ZNF462: variants seen among roughly 807,000 people sequenced by gnomAD.
ZNF462 encodes the protein zinc finger protein 462.
A neutral mutation model predicts 201.9 loss-of-function variants in ZNF462; 10 were observed. That is an observed-to-expected ratio of 0.05 (90% CI 0.03 to 0.08). ZNF462 has a LOEUF of 0.08. Among genes scored for constraint, ZNF462 ranks in the 10% least tolerant of loss-of-function variants. The probability of loss-of-function intolerance (pLI) is 1.00; values close to 1 mark genes in which losing one functional copy is unlikely to be tolerated. For missense variants in ZNF462, 2,523 were observed against 3,168.3 expected, an observed-to-expected ratio of 0.80 and a Z score of 4.89; for synonymous variants, 1,227 against 1,193.3, an observed-to-expected ratio of 1.03 and a Z score of -0.58.
chr9:107,010,857 G>A lies in ZNF462; in HGVS notation c.7348G>A (p.Glu2450Lys). The change falls in exon 13 of 13, where the codon GAA becomes AAA. Residue 2450 changes from glutamate (E) to lysine (K), a missense_variant. Physicochemically the swap from Glu to Lys is moderately conservative, Grantham distance 56 (BLOSUM62 1). This residue lies in a region of ZNF462 where 228 missense variants were observed against 361.2 expected (regional missense o/e 0.63). Transcript: ENST00000277225. This position sits in a 1 kb window ranked among gnomAD's most constrained non-coding sequence, Gnocchi z 4.6. Reference protein sequence around the residue: ...LNDTKQVSREEIHPKEIMENS... With the variant: ...LNDTKQVSREKIHPKEIMENS... ...TGACACCAAGCAGGTGAGCAGAGAA[G>A]AAATCCACCCAAAAGAGATCATGGA... is the stretch of plus-strand genomic sequence containing the variant. The A allele has an allele frequency of 6.2e-7, 1 of 1,613,266 alleles. No homozygotes were observed. Among genetic ancestry groups the A allele is most frequent in the East Asian group, 2.2e-5 (1 of 44,672 alleles).
chr9:106,961,110 A>G (rs1475596787), intron 7 of ZNF462, among the ~76,000 whole-genome samples: 1 of 152,114 alleles, frequency 6.6e-6, no homozygotes, highest in African/African-American at 2.4e-5. Flanking sequence ...AAAAGCTATG[A>G]TGTATTTAAA....
intron 1 of ZNF462, among the ~76,000 whole-genome samples, chr9:106,921,434 T>C (rs1411340956): frequency 1.3e-5 from 2 of 152,210 alleles, no homozygotes; most frequent in African/African-American, 4.8e-5. Context: ...TTCTGATTGT[T>C]AGCCTAGCAG....
At chr9:106,985,195 A>G (rs533802473) in intron 10 of ZNF462, among the ~76,000 whole-genome samples, 101 of 152,336 alleles carry the variant, frequency 6.6e-4, no homozygotes, top group African/African-American at 2.3e-3. Flanking sequence ...CTGTGGGCCC[A>G]CAGTTGCCAA....
intron 1 of ZNF462, among the ~76,000 whole-genome samples, chr9:106,866,486 T>C (rs1235983683): frequency 6.6e-6 from 1 of 152,158 alleles, no homozygotes; most frequent in African/African-American, 2.4e-5. Flanking sequence ...TAGCTGATAA[T>C]TGTCCATGGT....
At chr9:106,914,600 T>C (rs1829691596) in intron 1 of ZNF462, among the ~76,000 whole-genome samples, 1 of 152,214 alleles carries the variant, frequency 6.6e-6, no homozygotes, top group Admixed American at 6.5e-5. Flanking sequence ...TGTTCCTTCC[T>C]TCATTCAGCG....
At chr9:106,922,303 G>T (rs947320080) in intron 1 of ZNF462, among the ~76,000 whole-genome samples, 1 of 152,160 alleles carries the variant, frequency 6.6e-6, no homozygotes, top group African/African-American at 2.4e-5. Context: ...AAGATAGGAA[G>T]GACTCCACCT....
Position 106,925,044 on chromosome 9 carries a change from G to A in ZNF462, c.1132G>A (p.Glu378Lys). The A allele has an allele frequency of 6.2e-7, 1 of 1,614,158 alleles. No individual in the cohort carries two copies. The highest frequency in any genetic ancestry group is 8.5e-7 in the Non-Finnish European group (1 of 1,180,032). The change falls in exon 3 of 13, where the codon GAA becomes AAA. Residue 378 changes from glutamate (E) to lysine (K), a missense_variant. Transcript: ENST00000277225. The surrounding 1 kb of genome is among the most constrained non-coding windows in gnomAD (Gnocchi z 7.9). The part of the protein sequence containing the change: ...TDMTNSSADL[E>K]TNSMLNDSSS... ...CATGACCAATTCTTCTGCTGACCTG[G>A]AAACTAACAGCATGCTAAATGACTC...
Position 106,924,300 on chromosome 9 carries a change from G to A in ZNF462, c.388G>A (p.Val130Ile). The A allele has an allele frequency of 6.2e-7, 1 of 1,614,078 alleles. No homozygotes were observed. Among genetic ancestry groups the A allele is most frequent in the Non-Finnish European group, 8.5e-7 (1 of 1,180,022 alleles). Residue 130 changes from valine (V) to isoleucine (I), a missense_variant, in exon 3 of 13, where the codon GTC becomes ATC. Around this residue, in one of 15 missense-constraint regions of ZNF462, gnomAD observed 480 missense variants for 544.4 expected, o/e 0.88. Transcript: ENST00000277225. The surrounding 1 kb of genome is among the most constrained non-coding windows in gnomAD (Gnocchi z 6.2). ...CCTCCTCATAGAACACACTAGAAAG[G>A]TCCATGGAGCTCAAGCTGAAGGGAG... ...KNLLIEHTRK[V>I]HGAQAEGSSS...
rs570214711 is a variant in ZNF462 at position 106,881,467 on chromosome 9, ACTTTGTAAAGTT to A, written c.-31+18117_-31+18128del. On this transcript the variant is annotated intron_variant, in intron 1 of 12. Transcript: ENST00000277225. ...ATTTCCCTATCTGGAAAAAAAATCC[ACTTTGTAAAGTT>A]CTTTTGAGGAATAAAGGAAATCATG... Among the ~76,000 whole-genome samples the A allele has an allele frequency of 7.9e-5, 12 of 152,282 alleles. No homozygotes were observed. The South Asian group carries it at 2.1e-3, about 26-fold the overall frequency.
rs1827818681 is a variant in ZNF462 at position 106,876,062 on chromosome 9, GCAGGGGTCTCTGTT to G, written c.-31+12708_-31+12721del. 6.6e-6 allele frequency among the ~76,000 whole-genome samples: 1 copy of G among 152,140 alleles called. No individual in the cohort carries two copies. The highest frequency in any genetic ancestry group is 6.5e-5 in the Admixed American group (1 of 15,274). Reference sequence around the variant, plus strand: ...CTGGGGTGAAAATGCAGTTCTCTGTGCAGGGGTCTCTGTTAAGAAAGTGATGTGTAGTAGGTGGA... The same window carrying G: ...CTGGGGTGAAAATGCAGTTCTCTGTGAAGAAAGTGATGTGTAGTAGGTGGA... On this transcript the variant is annotated intron_variant, in intron 1 of 12. Transcript: ENST00000277225. The surrounding 1 kb of genome is among the most constrained non-coding windows in gnomAD (Gnocchi z 4.9).
intron 9 of ZNF462, among the ~76,000 whole-genome samples, chr9:106,980,079 T>A (rs753805287): frequency 2.6e-5 from 4 of 152,166 alleles, no homozygotes; most frequent in Non-Finnish European, 5.9e-5. Flanking sequence ...AAATTACATG[T>A]TTCCTTTCAA....
chr9:107,011,493 A>C lies in ZNF462; in HGVS notation c.*463A>C, dbSNP rs562127331. 2 of 150,008 alleles carry C rather than the reference A, an allele frequency of 1.3e-5. No individual in the cohort carries two copies. Among genetic ancestry groups the C allele is most frequent in the Non-Finnish European group, 2.9e-5 (2 of 68,476 alleles). 9.3% of individuals were successfully genotyped at this position (150,008 alleles called of 1,614,324 possible). Reference sequence around the variant, plus strand: ...TGCAGCCGCTTTGGGAAAAAAAAACAAAAAACAAAAAACAGAAAACAAAAA... The same window carrying C: ...TGCAGCCGCTTTGGGAAAAAAAAACCAAAAACAAAAAACAGAAAACAAAAA... On this transcript the variant is annotated 3_prime_UTR_variant, in exon 13 of 13. Transcript: ENST00000277225. The surrounding 1 kb of genome is among the most constrained non-coding windows in gnomAD (Gnocchi z 5.6).
Position 106,924,299 on chromosome 9 carries a change from G to C in ZNF462, c.387G>C (p.Lys129Asn). 1 of 1,614,092 alleles carries C rather than the reference G, an allele frequency of 6.2e-7. No homozygotes were observed. Among genetic ancestry groups the C allele is most frequent in the Non-Finnish European group, 8.5e-7 (1 of 1,180,028 alleles). The change falls in exon 3 of 13, where the codon AAG (lysine) becomes AAC (asparagine). Residue 129 changes from lysine to asparagine, a missense_variant. Physicochemically the swap from Lys to Asn is moderately conservative, Grantham distance 94 (BLOSUM62 0). Around this residue, in one of 15 missense-constraint regions of ZNF462, gnomAD observed 480 missense variants for 544.4 expected, o/e 0.88. Transcript: ENST00000277225. This position sits in a 1 kb window ranked among gnomAD's most constrained non-coding sequence, Gnocchi z 6.2. ...SKNLLIEHTR[K>N]VHGAQAEGSS... ...ACCTCCTCATAGAACACACTAGAAA[G>C]GTCCATGGAGCTCAAGCTGAAGGGA...
intron 10 of ZNF462, among the ~76,000 whole-genome samples, chr9:106,985,018 G>A (rs192987089): frequency 1.2e-4 from 19 of 152,142 alleles, no homozygotes; most frequent in African/African-American, 4.6e-4. Flanking sequence ...GGCTGAGGAG[G>A]GAGGATCACT....
At position 106,968,625 on chromosome 9, in the gene ZNF462, T is replaced by C. The variant is rs1832188777; in HGVS notation, c.6428-3380T>C. Among the ~76,000 whole-genome samples the C allele has an allele frequency of 6.6e-6, 1 of 152,106 alleles. No homozygotes were observed. Among genetic ancestry groups the C allele is most frequent in the African/African-American group, 2.4e-5 (1 of 41,418 alleles). ...TTTAAAGGTGGACCACCTTAGTCTT[T>C]GCTGTTGGTTCCATTGTAGATACCA... On this transcript the variant is annotated intron_variant, in intron 7 of 12. Coordinates refer to ENST00000277225, the MANE Select transcript of ZNF462 (RefSeq NM_021224.6). This position sits in a 1 kb window ranked among gnomAD's most constrained non-coding sequence, Gnocchi z 4.0.
At chr9:106,952,312 A>G (rs1431357768) in intron 7 of ZNF462, among the ~76,000 whole-genome samples, 1 of 152,258 alleles carries the variant, frequency 6.6e-6, no homozygotes, top group East Asian at 1.9e-4. Flanking sequence ...ATGAGATAAC[A>G]CAATGGAAGT....
chr9:106,983,272 C>T (rs1428769124), intron 9 of ZNF462, among the ~76,000 whole-genome samples: 1 of 152,134 alleles, frequency 6.6e-6, no homozygotes, highest in Non-Finnish European at 1.5e-5. Flanking sequence ...GGGAAAAGCA[C>T]CCAAATCCTC....
intron 7 of ZNF462, among the ~76,000 whole-genome samples, chr9:106,960,560 C>G (rs1831787498): frequency 6.6e-6 from 1 of 152,104 alleles, no homozygotes; most frequent in Non-Finnish European, 1.5e-5. Flanking sequence ...ACTTCCTCAT[C>G]ACACAATTCA....
chr9:106,927,438 C>G lies in ZNF462; in HGVS notation c.3526C>G (p.Leu1176Val). 2 of 1,613,892 alleles carry G rather than the reference C, an allele frequency of 1.2e-6. No individual in the cohort carries two copies. The highest frequency in any genetic ancestry group is 1.7e-6 in the Non-Finnish European group (2 of 1,179,982). Residue 1176 changes from leucine (L) to valine (V), a missense_variant, in exon 3 of 13, where the codon CTG (leucine) becomes GTG (valine). This residue lies in a region of ZNF462 where 222 missense variants were observed against 271.6 expected (regional missense o/e 0.82). Coordinates refer to ENST00000277225, the MANE Select transcript of ZNF462 (RefSeq NM_021224.6). ...SPRPPAPIQQ[L>V]NRSSSERDGP... Reference sequence around the variant, plus strand: ...CCGGCCACCCGCCCCCATACAACAGCTGAACCGAAGCAGCTCTGAGAGAGA... The same window carrying G: ...CCGGCCACCCGCCCCCATACAACAGGTGAACCGAAGCAGCTCTGAGAGAGA...
Sources: allele counts gnomAD v4.1 joint callset (sites outside exome capture counted in the v4.1 genomes callset), GRCh38; gene constraint gnomAD v4.1.1; regional missense constraint gnomAD v4.1.1; non-coding constraint Gnocchi (gnomAD v3.1); transcripts MANE v1.5; gene names NCBI Gene and HGNC (gene_info 2026-07-23, HGNC 2026-07-21).